SBF2: variants seen among roughly 807,000 people sequenced by gnomAD.
SBF2 encodes the protein SET binding factor 2.
In SBF2, 112 loss-of-function variants were observed where a neutral mutation model predicts 225.2. That is an observed-to-expected ratio of 0.50 (90% CI 0.43 to 0.58). The LOEUF (loss-of-function observed/expected upper bound fraction) is 0.58. Ranked by LOEUF, SBF2 falls within the 20% of genes least tolerant of loss-of-function variation. The probability of loss-of-function intolerance (pLI) is 0.00; values close to 1 mark genes in which losing one functional copy is unlikely to be tolerated. For missense variants in SBF2, 1,996 were observed against 2,206.2 expected, an observed-to-expected ratio of 0.90 and a Z score of 1.91; for synonymous variants, 763 against 773.3, an observed-to-expected ratio of 0.99 and a Z score of 0.22.
At chr11:9,811,145 A>G (rs1854157214) in intron 30 of SBF2, 1 of 152,248 alleles carries the variant, frequency 6.6e-6, no homozygotes, top group South Asian at 2.1e-4. Context: ...AACATTGAGT[A>G]CACATGGACA....
chr11:10,190,482 A>G (rs1217060001), intron 2 of SBF2, among the ~76,000 whole-genome samples: 1 of 152,212 alleles, frequency 6.6e-6, no homozygotes, highest in Non-Finnish European at 1.5e-5. Flanking sequence ...TCCGAATTAA[A>G]GTTTACCATT....
At chr11:10,265,183 T>A (rs959067459) in intron 1 of SBF2, among the ~76,000 whole-genome samples, 6 of 152,162 alleles carry the variant, frequency 3.9e-5, no homozygotes, top group Non-Finnish European at 8.8e-5. Context: ...GTTGAACTAA[T>A]TCACCCTCCC....
intron 13 of SBF2, among the ~76,000 whole-genome samples, chr11:9,975,450 A>C (rs555164262): frequency 4.1e-4 from 62 of 152,328 alleles, no homozygotes; most frequent in African/African-American, 1.4e-3. Context: ...AAAATTGATC[A>C]GTGGTTGCCA....
At chr11:10,196,876 T>TTTTTTC (rs71034756) in intron 1 of SBF2, among the ~76,000 whole-genome samples, 1 of 119,102 alleles carries the variant, frequency 8.4e-6, no homozygotes, top group African/African-American at 3.0e-5. Flanking sequence ...ATTTTTTTTT[T>TTTTTTC]CCTACAAAAT....
intron 26 of SBF2, among the ~76,000 whole-genome samples, chr11:9,835,022 C>G (rs1855646871): frequency 2.0e-5 from 3 of 152,092 alleles, no homozygotes; most frequent in African/African-American, 4.8e-5. Flanking sequence ...TGTGTGAAGC[C>G]TAAAGACCAA....
At chr11:9,840,030 C>T (rs147122974) in intron 25 of SBF2, among the ~76,000 whole-genome samples, 2 of 152,230 alleles carry the variant, frequency 1.3e-5, no homozygotes, top group East Asian at 1.9e-4. Context: ...GTCAGGAGTT[C>T]GAGAGCAGCC....
Position 10,193,963 on chromosome 11 carries a change from A to C in SBF2, c.80T>G (p.Ile27Arg), listed in dbSNP as rs1327411651. The stretch of plus-strand genomic sequence containing the variant: ...GTCCTTCTGTGGAAATCTCTGGATT[A>C]TTTTCCCCAGACCTTCTCCTGATCC... ...KPGSGEGLGK[I>R]IQRFPQKDWD... The change falls in exon 2 of 40, where the codon ATA becomes AGA. Residue 27 changes from isoleucine (I) to arginine (R), a missense_variant. Coordinates refer to ENST00000256190, the MANE Select transcript of SBF2 (RefSeq NM_030962.4). 1 of 1,612,422 alleles carries C rather than the reference A, an allele frequency of 6.2e-7. No individual in the cohort carries two copies. The highest frequency in any genetic ancestry group is 8.5e-7 in the Non-Finnish European group (1 of 1,178,552).
chr11:10,086,955 G>C (rs903775274), intron 2 of SBF2, among the ~76,000 whole-genome samples: 3 of 152,190 alleles, frequency 2.0e-5, no homozygotes, highest in Non-Finnish European at 2.9e-5. Flanking sequence ...GGAAATGAGT[G>C]AAAACTTCAC....
chr11:10,041,169 T>G (rs1159046081), intron 3 of SBF2, among the ~76,000 whole-genome samples: 1 of 152,070 alleles, frequency 6.6e-6, no homozygotes, highest in Non-Finnish European at 1.5e-5. Context: ...TTAACTTAAA[T>G]GCTAAAGATC....
chr11:10,125,051 T>C (rs1953682855), intron 2 of SBF2, among the ~76,000 whole-genome samples: 1 of 144,206 alleles, frequency 6.9e-6, no homozygotes, highest in South Asian at 2.2e-4. Context: ...GAGGTTGCAG[T>C]GAGCCGAGAT....
intron 2 of SBF2, among the ~76,000 whole-genome samples, chr11:10,192,948 G>T (rs896557196): frequency 3.3e-5 from 5 of 152,098 alleles, no homozygotes; most frequent in Admixed American, 3.3e-4. Flanking sequence ...CACCTTTCTA[G>T]TCCCTCAGTT....
intron 2 of SBF2, among the ~76,000 whole-genome samples, chr11:10,047,018 A>G (rs1949891409): frequency 6.6e-6 from 1 of 152,120 alleles, no homozygotes; most frequent in African/African-American, 2.4e-5. Context: ...ATATAATACC[A>G]TTTACATTAG....
intron 29 of SBF2, among the ~76,000 whole-genome samples, 189 bp downstream of exon 29, chr11:9,816,651 C>T (rs922064230): frequency 6.6e-6 from 1 of 151,522 alleles, no homozygotes; most frequent in Non-Finnish European, 1.5e-5. Context: ...TATGTATATA[C>T]ATGTATTGAT....
At chr11:9,869,823 T>A (rs190929611) in intron 17 of SBF2, among the ~76,000 whole-genome samples, 1 of 152,212 alleles carries the variant, frequency 6.6e-6, no homozygotes, top group Non-Finnish European at 1.5e-5. Flanking sequence ...ACAACTCCTA[T>A]TCAACACAGT....
intron 16 of SBF2, among the ~76,000 whole-genome samples, chr11:9,942,930 A>G (rs1003719493): frequency 5.8e-5 from 8 of 138,358 alleles, no homozygotes; most frequent in African/African-American, 2.0e-4. Context: ...AAAGAAAGAA[A>G]GAAAGAAAGA....
At chr11:9,889,751 T>C (rs778259785) in intron 17 of SBF2, among the ~76,000 whole-genome samples, 1 of 152,274 alleles carries the variant, frequency 6.6e-6, no homozygotes, top group South Asian at 2.1e-4. Context: ...AGAACATATA[T>C]TGTATGATTC....
intron 33 of SBF2, among the ~76,000 whole-genome samples, chr11:9,791,901 T>C (rs1471827222): frequency 6.6e-6 from 1 of 152,222 alleles, no homozygotes; most frequent in Non-Finnish European, 1.5e-5. Flanking sequence ...CTTAGGGCTG[T>C]TGTAACATCT....
intron 17 of SBF2, among the ~76,000 whole-genome samples, chr11:9,866,055 C>G (rs562399414): frequency 6.6e-6 from 1 of 152,148 alleles, no homozygotes; most frequent in East Asian, 1.9e-4. Context: ...GACACGGGTC[C>G]CAGTAAATGT....
At chr11:10,202,021 T>C (rs1449265292) in intron 1 of SBF2, among the ~76,000 whole-genome samples, 2 of 152,216 alleles carry the variant, frequency 1.3e-5, no homozygotes, top group East Asian at 3.8e-4. Context: ...ATTTAGAGAA[T>C]GTCAAGATTA....
Sources: gnomAD v4.1 joint callset for allele counts (sites outside exome capture counted in the v4.1 genomes callset) on GRCh38, gnomAD v4.1.1 for gene constraint, MANE v1.5 for transcripts, NCBI Gene and HGNC (gene_info 2026-07-23, HGNC 2026-07-21) for gene names.